Variants in COL5A1 observed in about 807,000 individuals in gnomAD.
COL5A1 encodes collagen alpha-1(V) chain.
Under a neutral mutation model 263.7 loss-of-function variants are expected in COL5A1, and 16 were observed. The ratio of observed to expected loss-of-function variants is 0.06; its 90% CI spans 0.04 to 0.09. The LOEUF is 0.09. Ranked by LOEUF, COL5A1 falls within the 10% of genes least tolerant of loss-of-function variation. COL5A1 has a pLI of 1.00. For synonymous variants in COL5A1, 1,012 were observed against 1,004.5 expected (o/e 1.01, Z -0.14); for missense variants, 2,036 against 2,540.5 (o/e 0.80, Z 4.27).
rs1373784499 is a variant in COL5A1, at chr9:134,732,102, A to C, written c.1364A>C (p.Lys455Thr). ...GGACCTCGGGGCGAGAAAGGCCAAA[A>C]GGGAGAACCAGCGATTATCGAGCCG... is the stretch of plus-strand genomic sequence containing the variant. ...IGGPRGEKGQ[K>T]GEPAIIEPGM... Residue 455 changes from lysine (K) to threonine (T), a missense_variant, in exon 9 of 66, where the codon AAG (lysine) becomes ACG (threonine). By Grantham distance (78) the Lys-to-Thr change is moderately conservative. This residue lies in a region of COL5A1 where 600 missense variants were observed against 634.5 expected (regional missense o/e 0.95). Transcript: ENST00000371817. 1 of 1,614,210 alleles carries C rather than the reference A, an allele frequency of 6.2e-7. No homozygotes were observed. Among genetic ancestry groups the C allele is most frequent in the South Asian group, 1.1e-5 (1 of 91,082 alleles).
intron 4 of COL5A1, among the ~76,000 whole-genome samples, chr9:134,723,780 C>G (rs920414114): frequency 6.6e-6 from 1 of 152,170 alleles, no homozygotes; most frequent in Non-Finnish European, 1.5e-5. Flanking sequence ...CCGTCTGCCT[C>G]TGACCCAGAG....
chr9:134,823,628 A>C (rs1165863164), intron 61 of COL5A1, among the ~76,000 whole-genome samples, 159 bp downstream of exon 61: 1 of 152,262 alleles, frequency 6.6e-6, no homozygotes, highest in Non-Finnish European at 1.5e-5. Context: ...GAAATGAGCC[A>C]CACAGGTCTA....
chr9:134,774,553 C>G (rs1004402063), intron 26 of COL5A1, among the ~76,000 whole-genome samples: 4 of 152,224 alleles, frequency 2.6e-5, no homozygotes, highest in Admixed American at 6.5e-5. Flanking sequence ...AGAGCTCCAA[C>G]GCTGACCTTT....
At chr9:134,767,647 T>C (rs1836725698) in intron 24 of COL5A1, among the ~76,000 whole-genome samples, 2 of 152,256 alleles carry the variant, frequency 1.3e-5, no homozygotes. Context: ...TGAACTATTG[T>C]GTATCTGAAA....
At chr9:134,724,335 G>C (rs573734755) in intron 4 of COL5A1, among the ~76,000 whole-genome samples, 6 of 152,358 alleles carry the variant, frequency 3.9e-5, no homozygotes, top group Middle Eastern at 6.8e-3. Context: ...TTTTCAGAGA[G>C]AAAGCAGGGA....
chr9:134,650,767 T>C (rs114562828), intron 1 of COL5A1, among the ~76,000 whole-genome samples: 2,607 of 152,362 alleles, frequency 0.017, 31 homozygotes, highest in African/African-American at 0.039. Context: ...TTCCTCTGGC[T>C]CTTGTTCATA....
Position 134,819,003 on chromosome 9 carries a change from C to A in COL5A1, c.4396C>A (p.Pro1466Thr). 6.2e-7 allele frequency: 1 copy of A among 1,613,406 alleles called. No homozygotes were observed. The highest frequency in any genetic ancestry group is 1.1e-5 in the South Asian group (1 of 91,082). ...ATCCCCCTGCCTCCTCCCACAGGGT[C>A]CCCCAGGACTTCCCGGCCTCAAAGG... is the stretch of plus-strand genomic sequence containing the variant. ...GPDGPPGPMG[P>T]PGLPGLKGDS... Residue 1466 changes from proline (P) to threonine (T), a missense_variant, in exon 57 of 66, where the codon CCC becomes ACC. This residue lies in a region of COL5A1 where 1,078 missense variants were observed against 1,521.4 expected (regional missense o/e 0.71). Transcript: ENST00000371817.
rs142673093 is a variant in COL5A1, at chr9:134,730,562, T to A, written c.1164+87T>A. On this transcript the variant is annotated intron_variant, in intron 7 of 65. Transcript: ENST00000371817. Reference sequence around the variant, plus strand: ...CCACAATGCTGAGCTCCCTTCTTACTCCAGTTCTCACCTTGGTGTCCTCGG... The same window carrying A: ...CCACAATGCTGAGCTCCCTTCTTACACCAGTTCTCACCTTGGTGTCCTCGG... 5,670 of 1,580,884 alleles carry A rather than the reference T, an allele frequency of 3.6e-3. 160 individuals are homozygous for A. In the African/African-American group the frequency reaches 0.062, roughly 17 times the overall value.
chr9:134,723,874 G>A (rs1374252876), intron 4 of COL5A1, among the ~76,000 whole-genome samples: 1 of 152,220 alleles, frequency 6.6e-6, no homozygotes, highest in East Asian at 1.9e-4. Context: ...TGTTGGGTGG[G>A]CTTGGGGAGG....
At position 134,817,691 on chromosome 9, in the gene COL5A1, A is replaced by G. The variant is rs566412263; in HGVS notation, c.4177-87A>G. ...CCCTCTGCCCCTGCAGGCCACACACACACACACCCTGAGCGCCTGCACCCG... is the reference window on the plus strand; with the variant it reads ...CCCTCTGCCCCTGCAGGCCACACACGCACACACCCTGAGCGCCTGCACCCG... On this transcript the variant is annotated intron_variant, in intron 53 of 65. Transcript: ENST00000371817. 4,974 of 1,232,240 alleles carry G rather than the reference A, an allele frequency of 4.0e-3. 28 individuals are homozygous for G. The highest frequency in any genetic ancestry group is 4.9e-3 in the Non-Finnish European group (4,151 of 853,082). The allele number at this position is 1,232,240 out of a possible 1,614,324, so 76.3% of individuals were successfully genotyped here.
chr9:134,730,346 C>A lies in COL5A1; in HGVS notation c.1035C>A (p.Asp345Glu). ...IGDYDYVPSE[D>E]YYTPSPYDDL... ...ACTATGACTACGTGCCCAGTGAGGA[C>A]TACTACACGCCCTCACCGTATGATG... The change falls in exon 7 of 66, where the codon GAC becomes GAA. Residue 345 changes from aspartate (D) to glutamate (E), a missense_variant. Physicochemically the swap from Asp to Glu is conservative, Grantham distance 45. This residue lies in a region of COL5A1 where 600 missense variants were observed against 634.5 expected (regional missense o/e 0.95). Coordinates refer to ENST00000371817, the MANE Select transcript of COL5A1 (RefSeq NM_000093.5). The A allele has an allele frequency of 1.2e-6, 2 of 1,614,232 alleles. No homozygotes were observed. Among genetic ancestry groups the A allele is most frequent in the Non-Finnish European group, 1.7e-6 (2 of 1,180,032 alleles).
Position 134,686,534 on chromosome 9 carries a change from G to C in COL5A1, c.110-4378G>C, listed in dbSNP as rs541837921. 2.0e-5 allele frequency among the ~76,000 whole-genome samples: 3 copies of C among 152,260 alleles called. No homozygotes were observed. Among genetic ancestry groups the C allele is most frequent in the East Asian group, 3.9e-4 (2 of 5,168 alleles). On this transcript the variant is annotated intron_variant, in intron 1 of 65. Coordinates refer to ENST00000371817, the MANE Select transcript of COL5A1 (RefSeq NM_000093.5). The surrounding 1 kb of genome is among the most constrained non-coding windows in gnomAD (Gnocchi z 4.6). ...CCCAAAGTGCTGGGATTCCAGTCCT[G>C]AGCCACCGCGCCTGGCCATCAAATT...
intron 63 of COL5A1, among the ~76,000 whole-genome samples, chr9:134,828,930 A>G (rs947731623): frequency 3.4e-5 from 5 of 147,954 alleles, no homozygotes; most frequent in Non-Finnish European, 7.4e-5. Flanking sequence ...CACACCACTC[A>G]TCACACACAC....
At position 134,802,174 on chromosome 9, in the gene COL5A1, C is replaced by A. The variant is rs190378557; in HGVS notation, c.3006+167C>A. ...TGGTCAGCGTGAGGCTCGCCCCACGCAGGAGCAAGCACAGATGTGTTTGCC... is the reference window on the plus strand; with the variant it reads ...TGGTCAGCGTGAGGCTCGCCCCACGAAGGAGCAAGCACAGATGTGTTTGCC... On this transcript the variant is annotated intron_variant, in intron 38 of 65. Coordinates refer to ENST00000371817, the MANE Select transcript of COL5A1 (RefSeq NM_000093.5). 2.6e-5 allele frequency among the ~76,000 whole-genome samples: 4 copies of A among 152,334 alleles called. No individual in the cohort carries two copies. In the East Asian group the frequency reaches 7.7e-4, roughly 29 times the overall value.
At chr9:134,672,109 C>T (rs1832555578) in intron 1 of COL5A1, among the ~76,000 whole-genome samples, 1 of 152,230 alleles carries the variant, frequency 6.6e-6, no homozygotes, top group Non-Finnish European at 1.5e-5. Context: ...GCCAAAGATC[C>T]ATGACTGTCT....
rs1488104381 is a variant in COL5A1, at chr9:134,759,717, C to T, written c.1935+1421C>T. Among the ~76,000 whole-genome samples, 342 of 91,458 alleles carry T rather than the reference C, an allele frequency of 3.7e-3. 56 individuals carry two copies. The highest frequency in any genetic ancestry group is 0.019 in the African/African-American group (305 of 16,192). The allele number at this position is 91,458 out of a possible 152,430, so 60.0% of individuals were successfully genotyped here. A position where few individuals can be genotyped will look rare whatever the true frequency, so the allele number is the denominator to read the frequency against. On this transcript the variant is annotated intron_variant, in intron 18 of 65. Coordinates refer to ENST00000371817, the MANE Select transcript of COL5A1 (RefSeq NM_000093.5). ...ACATATGCACACATGCACACACCCC[C>T]CCACCCCCACACTCATACACACACA... is the stretch of plus-strand genomic sequence containing the variant.
At chr9:134,827,046 C>T (rs551199469) in intron 63 of COL5A1, among the ~76,000 whole-genome samples, 63 of 152,292 alleles carry the variant, frequency 4.1e-4, no homozygotes, top group Non-Finnish European at 6.9e-4. Flanking sequence ...CTTGAACGGC[C>T]TCTCCTTCAT....
intron 1 of COL5A1, among the ~76,000 whole-genome samples, chr9:134,666,203 C>T (rs1314383089): frequency 1.3e-5 from 2 of 152,208 alleles, no homozygotes; most frequent in East Asian, 3.9e-4. Context: ...TAGGAGTGTG[C>T]CCCTGTAGAT....
chr9:134,730,401 C>T lies in COL5A1; in HGVS notation c.1090C>T (p.Pro364Ser). ...CACCTATGGCGAGGGGGAGGAGAAC[C>T]CCGACCAGCCCACAGACCCAGGCGC... is the stretch of plus-strand genomic sequence containing the variant. ...DLTYGEGEEN[P>S]DQPTDPGAGA... The change falls in exon 7 of 66, where the codon CCC becomes TCC. Residue 364 changes from proline (P) to serine (S), a missense_variant. Physicochemically the swap from Pro to Ser is moderately conservative, Grantham distance 74. This residue lies in a region of COL5A1 where 600 missense variants were observed against 634.5 expected (regional missense o/e 0.95). Coordinates refer to ENST00000371817, the MANE Select transcript of COL5A1 (RefSeq NM_000093.5). 4 of 1,614,210 alleles carry T rather than the reference C, an allele frequency of 2.5e-6. No homozygotes were observed. Among genetic ancestry groups the T allele is most frequent in the Non-Finnish European group, 3.4e-6 (4 of 1,180,038 alleles).
Sources: gnomAD v4.1 joint callset for allele counts (sites outside exome capture counted in the v4.1 genomes callset) on GRCh38, gnomAD v4.1.1 for gene constraint, gnomAD v4.1.1 regional missense constraint, Gnocchi (gnomAD v3.1) non-coding constraint, MANE v1.5 for transcripts, NCBI Gene and HGNC (gene_info 2026-07-23, HGNC 2026-07-21) for gene names.